Variants in CNGB3 observed in about 807,000 individuals in gnomAD.
CNGB3 encodes cyclic nucleotide-gated channel beta-3.
In CNGB3, 86 loss-of-function variants were observed where a neutral mutation model predicts 92.8. The ratio of observed to expected loss-of-function variants is 0.93; its 90% CI spans 0.78 to 1.11. The LOEUF is 1.11. Among genes scored for constraint, CNGB3 ranks in the 50% least tolerant of loss-of-function variants. CNGB3 has a pLI of 0.00. For missense variants in CNGB3, 1,026 were observed against 956.8 expected (o/e 1.07, Z -0.95); for synonymous variants, 333 against 332.7 (o/e 1.00, Z -0.01).
At chr8:86,611,727 T>C in intron 13 of CNGB3, 56 bp from the exon 14 acceptor site, 1 of 1,221,282 alleles carries the variant, frequency 8.2e-7, no homozygotes, top group Non-Finnish European at 1.2e-6. Context: ...ATATTCCAAA[T>C]GAATTCAAAA....
chr8:86,731,856 A>G (rs985159975), intron 2 of CNGB3, among the ~76,000 whole-genome samples: 2 of 152,218 alleles, frequency 1.3e-5, no homozygotes, highest in African/African-American at 4.8e-5. Context: ...TAAAAAAAGA[A>G]AATGTATATT....
chr8:86,696,590 G>C (rs557192562), intron 3 of CNGB3, among the ~76,000 whole-genome samples: 1 of 152,160 alleles, frequency 6.6e-6, no homozygotes, highest in Non-Finnish European at 1.5e-5. Flanking sequence ...TGGGAGCTGC[G>C]TGTTAGTCCT....
chr8:86,715,641 C>T lies in CNGB3; in HGVS notation c.338+10890G>A, dbSNP rs181313566. ...CCAGCTCACCAGCAATGGATCTAAA[C>T]CAAGATGAAATCTGAATTGCCAGAA... On this transcript the variant is annotated intron_variant, in intron 3 of 17. Coordinates refer to ENST00000320005, the MANE Select transcript of CNGB3 (RefSeq NM_019098.5). Among the ~76,000 whole-genome samples the T allele has an allele frequency of 9.9e-5, 15 of 151,868 alleles. No homozygotes were observed. In the East Asian group the frequency reaches 1.7e-3, roughly 18 times the overall value.
intron 3 of CNGB3, among the ~76,000 whole-genome samples, chr8:86,724,126 G>A (rs1825018459): frequency 6.6e-6 from 1 of 152,026 alleles, no homozygotes; most frequent in South Asian, 2.1e-4. Context: ...TCAAACCCTT[G>A]CAACATGAAA....
chr8:86,680,102 G>T (rs1191487278), intron 3 of CNGB3, among the ~76,000 whole-genome samples: 1 of 152,082 alleles, frequency 6.6e-6, no homozygotes, highest in Non-Finnish European at 1.5e-5. Context: ...GACTAACCTG[G>T]AATACATACA....
At position 86,738,516 on chromosome 8, in the gene CNGB3, C is replaced by T. The variant is rs556390015; in HGVS notation, c.211+1139G>A. Among the ~76,000 whole-genome samples the T allele has an allele frequency of 9.2e-5, 14 of 152,176 alleles. No individual in the cohort carries two copies. In the East Asian group the frequency reaches 2.1e-3, roughly 23 times the overall value. On this transcript the variant is annotated intron_variant, in intron 2 of 17. Coordinates refer to ENST00000320005, the MANE Select transcript of CNGB3 (RefSeq NM_019098.5). ...CAGACATAAGCTACTAATAAGGGCCCGAGCCAGGATGGTATTGCTGAGATC... is the reference window on the plus strand; with the variant it reads ...CAGACATAAGCTACTAATAAGGGCCTGAGCCAGGATGGTATTGCTGAGATC...
At chr8:86,714,053 G>A (rs556607545) in intron 3 of CNGB3, among the ~76,000 whole-genome samples, 6 of 152,002 alleles carry the variant, frequency 3.9e-5, no homozygotes, top group Non-Finnish European at 8.8e-5. Context: ...TTTACATTAC[G>A]GTCCACTCTT....
intron 17 of CNGB3, 94 bp downstream of exon 17, chr8:86,578,595 A>G: frequency 3.4e-6 from 4 of 1,160,528 alleles, no homozygotes; most frequent in Non-Finnish European, 5.2e-6. Flanking sequence ...AAATCATCCC[A>G]GTGTCTGAAA....
intron 15 of CNGB3, among the ~76,000 whole-genome samples, chr8:86,592,212 G>A (rs961850276): frequency 1.8e-4 from 27 of 152,302 alleles, no homozygotes; most frequent in Admixed American, 9.1e-4. Context: ...CGCACGGTGC[G>A]CGCACCCACT....
At chr8:86,629,141 T>G in intron 11 of CNGB3, 63 bp from the exon 12 acceptor site, 26 of 1,558,132 alleles carry the variant, frequency 1.7e-5, no homozygotes, top group Non-Finnish European at 2.2e-5. Context: ...AAAGTCAAAT[T>G]ACATGTTTTC....
chr8:86,664,406 G>T lies in CNGB3; in HGVS notation c.852+2519C>A, dbSNP rs2131612741. Among the ~76,000 whole-genome samples, 2 of 152,318 alleles carry T rather than the reference G, an allele frequency of 1.3e-5. 1 individual carries two copies. The highest frequency in any genetic ancestry group is 4.1e-4 in the South Asian group (2 of 4,828). On this transcript the variant is annotated intron_variant, in intron 6 of 17. Coordinates refer to ENST00000320005, the MANE Select transcript of CNGB3 (RefSeq NM_019098.5). ...ACCTAAGATGCCATATAGGCAGTCA[G>T]TCTGCTCTTCCTATTGTGATATTGG...
At chr8:86,597,347 T>G (rs529539554) in intron 15 of CNGB3, among the ~76,000 whole-genome samples, 214 of 152,314 alleles carry the variant, frequency 1.4e-3, no homozygotes, top group African/African-American at 5.1e-3. Context: ...TTGGACATTC[T>G]GGTGCAGAGA....
intron 13 of CNGB3, among the ~76,000 whole-genome samples, chr8:86,623,126 A>G (rs928847696): frequency 6.6e-6 from 1 of 152,092 alleles, no homozygotes; most frequent in African/African-American, 2.4e-5. Context: ...TTCTTTCCAT[A>G]CTTACATCTT....
rs140853266 is a variant in CNGB3 at position 86,611,606 on chromosome 8, A to G, written c.1644T>C (p.Gly548=). The change falls in exon 14 of 18, where the codon GGT becomes GGC. Residue 548 remains glycine (G), a synonymous_variant. Coordinates refer to ENST00000320005, the MANE Select transcript of CNGB3 (RefSeq NM_019098.5). ...LRLKSVLYLP[G]DFVCKKGEIG... is the part of the protein sequence containing the mutation. ...CACTCACCTTTTTGCAGACAAAGTCACCAGGCAAATAGAGAACGGATTTCA... is the reference window on the plus strand; with the variant it reads ...CACTCACCTTTTTGCAGACAAAGTCGCCAGGCAAATAGAGAACGGATTTCA... 2 of 1,613,144 alleles carry G rather than the reference A, an allele frequency of 1.2e-6. No individual in the cohort carries two copies. Among genetic ancestry groups the G allele is most frequent in the Non-Finnish European group, 1.7e-6 (2 of 1,179,320 alleles).
intron 15 of CNGB3, among the ~76,000 whole-genome samples, chr8:86,590,928 A>G (rs1333303357): frequency 6.6e-6 from 1 of 151,148 alleles, no homozygotes; most frequent in African/African-American, 2.4e-5. Flanking sequence ...AATATCCTGC[A>G]GAGTGTTTTC....
rs1397053170 is a variant in CNGB3 at position 86,611,686 on chromosome 8, A to G, written c.1579-15T>C. Reference sequence around the variant, plus strand: ...GTATCACAACCCTATATAAAAAGAAAAATAATTCTTATAGAAACAACTAAA... The same window carrying G: ...GTATCACAACCCTATATAAAAAGAAGAATAATTCTTATAGAAACAACTAAA... On this transcript the variant is annotated splice_polypyrimidine_tract_variant and intron_variant, in intron 13 of 17. Transcript: ENST00000320005. 1 of 1,573,992 alleles carries G rather than the reference A, an allele frequency of 6.4e-7. No individual in the cohort carries two copies.
intron 3 of CNGB3, among the ~76,000 whole-genome samples, chr8:86,700,880 T>C (rs1430209192): frequency 2.0e-5 from 3 of 152,188 alleles, no homozygotes; most frequent in Admixed American, 2.0e-4. Flanking sequence ...CCTCAAATGA[T>C]CTGCCAGCCT....
intron 1 of CNGB3, among the ~76,000 whole-genome samples, chr8:86,743,095 A>G (rs1290464226): frequency 1.3e-5 from 2 of 152,140 alleles, no homozygotes; most frequent in Non-Finnish European, 2.9e-5. Context: ...ATCGCTCTCA[A>G]TTGAGAGCCA....
At chr8:86,705,362 G>A (rs1824633056) in intron 3 of CNGB3, among the ~76,000 whole-genome samples, 1 of 152,008 alleles carries the variant, frequency 6.6e-6, no homozygotes, top group African/African-American at 2.4e-5. Context: ...ATAAACTTCA[G>A]GTGTGAGTAA....
Sources: allele counts gnomAD v4.1 joint callset (sites outside exome capture counted in the v4.1 genomes callset), GRCh38; gene constraint gnomAD v4.1.1; transcripts MANE v1.5; gene names NCBI Gene and HGNC (gene_info 2026-07-23, HGNC 2026-07-21).